Variants in CDH12 observed in about 807,000 individuals in gnomAD.
The protein encoded by CDH12 is cadherin-12.
Under a neutral mutation model 74.1 loss-of-function variants are expected in CDH12, and 41 were observed. The ratio of observed to expected loss-of-function variants is 0.55; its 90% confidence interval spans 0.43 to 0.72. CDH12 has a LOEUF of 0.72. CDH12 is among the 30% of genes least tolerant of loss of function. The pLI is 0.00. For missense variants in CDH12, 945 were observed against 977.2 expected (o/e 0.97, Z 0.44); for synonymous variants, 399 against 355.0 (o/e 1.12, Z -1.39).
chr5:21,854,666 T>A lies in CDH12; in HGVS notation c.646+5A>T. On this transcript the variant is annotated splice_donor_5th_base_variant and intron_variant, in intron 7 of 14. Transcript: ENST00000382254. ...TGATAATGTTGCCTCTAATAAAAAA[T>A]TTACCTGTCTTGGGATCAATAGAGA... 1 of 1,592,792 alleles carries A rather than the reference T, an allele frequency of 6.3e-7. No homozygotes were observed. Among genetic ancestry groups the A allele is most frequent in the East Asian group, 2.2e-5 (1 of 44,592 alleles).
chr5:22,308,171 G>A (rs1161178571), intron 3 of CDH12, among the ~76,000 whole-genome samples: 4 of 151,860 alleles, frequency 2.6e-5, no homozygotes, highest in East Asian at 1.9e-4. Flanking sequence ...TGAGCCCCCC[G>A]CGCCTGGCCT....
chr5:22,089,174 G>C (rs185207392), intron 4 of CDH12, among the ~76,000 whole-genome samples: 2 of 152,302 alleles, frequency 1.3e-5, no homozygotes, highest in South Asian at 2.1e-4. Context: ...GGGGGTAAAA[G>C]ATTCCGCAAA....
intron 4 of CDH12, among the ~76,000 whole-genome samples, chr5:22,080,360 T>G (rs1481356656): frequency 1.3e-5 from 2 of 152,124 alleles, no homozygotes; most frequent in Admixed American, 1.3e-4. Context: ...AGATATGAGA[T>G]GAGGAGTGTC....
chr5:21,815,198 G>A (rs1011363628), intron 9 of CDH12, among the ~76,000 whole-genome samples: 4 of 152,014 alleles, frequency 2.6e-5, no homozygotes, highest in African/African-American at 9.7e-5. Context: ...TATGGGAGGG[G>A]CAGACTGATT....
intron 3 of CDH12, among the ~76,000 whole-genome samples, chr5:22,365,728 A>G (rs1741001326): frequency 6.6e-6 from 1 of 152,208 alleles, no homozygotes; most frequent in African/African-American, 2.4e-5. Context: ...TATTGTTTTG[A>G]ACGACTTCCC....
At chr5:22,565,376 G>T (rs1463449428) in intron 1 of CDH12, among the ~76,000 whole-genome samples, 2 of 152,028 alleles carry the variant, frequency 1.3e-5, no homozygotes, top group Non-Finnish European at 2.9e-5. Context: ...GGGTAATAAG[G>T]TTCTCTTTTC....
chr5:21,998,450 A>G (rs1039490377), intron 5 of CDH12, among the ~76,000 whole-genome samples: 1 of 152,056 alleles, frequency 6.6e-6, no homozygotes, highest in Non-Finnish European at 1.5e-5. Flanking sequence ...TTTCTCTTGC[A>G]TCTTATGTTG....
At chr5:21,956,679 T>G (rs1259361148) in intron 6 of CDH12, among the ~76,000 whole-genome samples, 1 of 152,164 alleles carries the variant, frequency 6.6e-6, no homozygotes, top group Non-Finnish European at 1.5e-5. Context: ...TCTATTTTCT[T>G]AGTGTTTATA....
intron 8 of CDH12, among the ~76,000 whole-genome samples, chr5:21,832,868 TGATATATGATATAATATTA>T: frequency 2.2e-5 from 1 of 45,170 alleles, no homozygotes; most frequent in African/African-American, 2.9e-4. Context: ...ATATATCATA[TGATATATGATATAATATTA>T]ATATATATCA....
intron 1 of CDH12, among the ~76,000 whole-genome samples, chr5:22,602,351 C>T (rs896667564): frequency 2.6e-5 from 4 of 152,150 alleles, no homozygotes; most frequent in African/African-American, 9.6e-5. Context: ...ATAAAATAAA[C>T]CTGGCATTTC....
chr5:22,652,708 A>G (rs2126885683), intron 1 of CDH12, among the ~76,000 whole-genome samples: 1 of 152,306 alleles, frequency 6.6e-6, no homozygotes, highest in South Asian at 2.1e-4. Flanking sequence ...TTAATTAGTC[A>G]AAATATTTGA....
At chr5:21,825,236 T>C (rs1748605672) in intron 8 of CDH12, among the ~76,000 whole-genome samples, 1 of 152,110 alleles carries the variant, frequency 6.6e-6, no homozygotes, top group Non-Finnish European at 1.5e-5. Context: ...ATCCTGATAT[T>C]TCCATTGTAA....
At chr5:21,897,891 A>G (rs1753197146) in intron 6 of CDH12, among the ~76,000 whole-genome samples, 1 of 152,166 alleles carries the variant, frequency 6.6e-6, no homozygotes, top group African/African-American at 2.4e-5. Flanking sequence ...CACTGTAATT[A>G]TATTACAGAA....
intron 3 of CDH12, among the ~76,000 whole-genome samples, chr5:22,338,803 G>C (rs1383069091): frequency 1.3e-5 from 2 of 152,190 alleles, no homozygotes; most frequent in African/African-American, 4.8e-5. Flanking sequence ...GATCTTAGCA[G>C]AATGGAGATG....
At chr5:22,293,149 G>A (rs925225328) in intron 3 of CDH12, among the ~76,000 whole-genome samples, 1 of 152,120 alleles carries the variant, frequency 6.6e-6, no homozygotes, top group Non-Finnish European at 1.5e-5. Flanking sequence ...TCCTGCTGCT[G>A]TAGCCCCTAC....
At chr5:22,452,938 A>G (rs1281803859) in intron 2 of CDH12, among the ~76,000 whole-genome samples, 2 of 150,638 alleles carry the variant, frequency 1.3e-5, no homozygotes, top group African/African-American at 4.9e-5. Context: ...CTTAATATAT[A>G]TATTTTAAAA....
chr5:22,301,063 T>TAA (rs11411987), intron 3 of CDH12, among the ~76,000 whole-genome samples: 1 of 152,108 alleles, frequency 6.6e-6, no homozygotes, highest in African/African-American at 2.4e-5. Context: ...GTGAAGGTAT[T>TAA]AAAAATTGTG....
At chr5:22,571,673 T>G (rs898088311) in intron 1 of CDH12, among the ~76,000 whole-genome samples, 1 of 152,216 alleles carries the variant, frequency 6.6e-6, no homozygotes, top group African/African-American at 2.4e-5. Context: ...CAACTCTTAC[T>G]TTGACTTGAA....
rs1359483002 is a variant in CDH12, at chr5:22,342,691, TTTC to T, written c.-333+62563_-333+62565del. Among the ~76,000 whole-genome samples the T allele has an allele frequency of 7.3e-4, 110 of 150,566 alleles. 3 individuals are homozygous for T. The highest frequency in any genetic ancestry group is 2.0e-3 in the East Asian group (10 of 5,070). ...TCTTTCCTTTCCTTCTTTTTCTTTC[TTTC>T]TTCTTTTTTCTTTCCTTCCCTCTTT... On this transcript the variant is annotated intron_variant, in intron 3 of 14. Transcript: ENST00000382254.
Sources: gnomAD v4.1 joint callset for allele counts (sites outside exome capture counted in the v4.1 genomes callset) on GRCh38, gnomAD v4.1.1 for gene constraint, MANE v1.5 for transcripts, NCBI Gene and HGNC (gene_info 2026-07-23, HGNC 2026-07-21) for gene names.